The following SEPTIN5 variants were observed in gnomAD, a reference collection of about 807,000 sequenced individuals.
The protein encoded by SEPTIN5 is septin-5.
SEPTIN5 carries 16 observed loss-of-function variants against 51.2 expected under a neutral mutation model. The ratio of observed to expected loss-of-function variants is 0.31; its 90% CI spans 0.21 to 0.47. The LOEUF (loss-of-function observed/expected upper bound fraction) is 0.47, where lower values mean the gene tolerates loss of function less well. Ranked by LOEUF, SEPTIN5 falls within the 20% of genes least tolerant of loss-of-function variation. The pLI, the probability that SEPTIN5 is intolerant of heterozygous loss-of-function variation, is 0.99. For missense variants in SEPTIN5, 376 were observed against 500.3 expected (o/e 0.75, Z 2.37); for synonymous variants, 208 against 191.2 (o/e 1.09, Z -0.72).
rs1352571377 is a variant in SEPTIN5, at chr22:19,721,754, G to A, written c.814+18G>A. ...CGTGGAGGGTGAGTAGAGTCTTGGGGTACCAGGTCTGGTGGGGGAAGGCTG... is the reference window on the plus strand; with the variant it reads ...CGTGGAGGGTGAGTAGAGTCTTGGGATACCAGGTCTGGTGGGGGAAGGCTG... On this transcript the variant is annotated intron_variant, in intron 9 of 11. Coordinates refer to ENST00000455784, the MANE Select transcript of SEPTIN5 (RefSeq NM_002688.6). The A allele has an allele frequency of 1.9e-6, 3 of 1,602,706 alleles. No homozygotes were observed.
chr22:19,721,797 C>G (rs1416862346), intron 9 of SEPTIN5, 25 bp from the exon 10 acceptor site: 2 of 1,603,630 alleles, frequency 1.2e-6, no homozygotes, highest in Admixed American at 3.4e-5. Context: ...CCGGCGCCAG[C>G]CCACTACCCA....
chr22:19,722,226 G>T lies in SEPTIN5; in HGVS notation c.951-11G>T. ...CGCCGCCCCGCCCATCCTCCCCCCCGCCCCGCGCAGCAAACTGACCCAGGA... is the reference window on the plus strand; with the variant it reads ...CGCCGCCCCGCCCATCCTCCCCCCCTCCCCGCGCAGCAAACTGACCCAGGA... On this transcript the variant is annotated splice_polypyrimidine_tract_variant and intron_variant, in intron 10 of 11. Transcript: ENST00000455784. 22 of 1,013,996 alleles carry T rather than the reference G, an allele frequency of 2.2e-5. No individual in the cohort carries two copies. Among genetic ancestry groups the T allele is most frequent in the Non-Finnish European group, 3.3e-5 (22 of 663,932 alleles). The allele number at this position is 1,013,996 out of a possible 1,614,324, so 62.8% of individuals were successfully genotyped here. A position where few individuals can be genotyped will look rare whatever the true frequency, so the allele number is the denominator to read the frequency against.
intron 2 of SEPTIN5, chr22:19,717,791 A>T: frequency 4.4e-6 from 1 of 227,090 alleles, no homozygotes; most frequent in Non-Finnish European, 8.9e-6. Flanking sequence ...ACACCCGCGC[A>T]CACGCACATA....
At chr22:19,718,930 T>C in intron 2 of SEPTIN5, 2 of 1,064,866 alleles carry the variant, frequency 1.9e-6, no homozygotes, top group Non-Finnish European at 2.4e-6. Flanking sequence ...GGCTCAGCCC[T>C]TCCCTCCGCA....
chr22:19,714,919 C>G lies in SEPTIN5; in HGVS notation c.54+128C>G, dbSNP rs1935893057. 3 of 1,248,236 alleles carry G rather than the reference C, an allele frequency of 2.4e-6. No homozygotes were observed. The highest frequency in any genetic ancestry group is 2.6e-5 in the Admixed American group (1 of 38,488). 77.3% of individuals were successfully genotyped at this position (1,248,236 alleles called of 1,614,324 possible). A position where few individuals can be genotyped will look rare whatever the true frequency, so the allele number is the denominator to read the frequency against. On this transcript the variant is annotated intron_variant, in intron 2 of 11. Transcript: ENST00000455784. The surrounding 1 kb of genome is among the most constrained non-coding windows in gnomAD (Gnocchi z 5.2). ...CCTCACCCAGCCCTGTCGCGATCACCGATTGTCAGCCGGGCAGTGCCGCCG... is the reference window on the plus strand; with the variant it reads ...CCTCACCCAGCCCTGTCGCGATCACGGATTGTCAGCCGGGCAGTGCCGCCG...
At position 19,720,550 on chromosome 22, in the gene SEPTIN5, C is replaced by T. The variant is rs778796449; in HGVS notation, c.499C>T (p.Leu167=). ...CCCACCCTTGGCTGCTCTCGGCAGG[C>T]TGCGGCCAGTGGATGTGGGTTTCAT... ...LYFISPFGHG[L]RPVDVGFMKA... Residue 167 remains leucine (L), a splice_region_variant and synonymous_variant, in exon 7 of 12, where the codon CTG becomes TTG. Transcript: ENST00000455784. The T allele has an allele frequency of 2.5e-6, 4 of 1,613,172 alleles. No individual in the cohort carries two copies. The Admixed American group carries it at 6.7e-5, about 27-fold the overall frequency.
At chr22:19,719,917 GC>G in intron 4 of SEPTIN5, 25 bp downstream of exon 4, 1 of 1,611,126 alleles carries the variant, frequency 6.2e-7, no homozygotes, top group Non-Finnish European at 8.5e-7. Context: ...GGAGGCCCTG[GC>G]ACTGATCCCC....
Position 19,722,951 on chromosome 22 carries a change from C to A in SEPTIN5, c.*467C>A, listed in dbSNP as rs865940610. On this transcript the variant is annotated 3_prime_UTR_variant, in exon 12 of 12. Transcript: ENST00000455784. Reference sequence around the variant, plus strand: ...TTCTGTCGAGGCGGGCCGAGTCTTCCCTTATCCCCAGACGCCTAGCGGGCA... The same window carrying A: ...TTCTGTCGAGGCGGGCCGAGTCTTCACTTATCCCCAGACGCCTAGCGGGCA... 4.5e-6 allele frequency: 2 copies of A among 441,574 alleles called. No homozygotes were observed. Among genetic ancestry groups the A allele is most frequent in the South Asian group, 4.2e-5 (2 of 48,158 alleles). 27.4% of individuals were successfully genotyped at this position (441,574 alleles called of 1,614,324 possible).
rs995870669 is a variant in SEPTIN5, at chr22:19,719,430, T to A, written c.55-172T>A. On this transcript the variant is annotated intron_variant, in intron 2 of 11. Coordinates refer to ENST00000455784, the MANE Select transcript of SEPTIN5 (RefSeq NM_002688.6). ...TTCTCCTGCCACCACCTCGCCTGCC[T>A]TCTTATCTCCAGGCTTTTGCCCACG... The A allele has an allele frequency of 2.4e-5, 14 of 594,602 alleles. No homozygotes were observed. The Admixed American group carries it at 2.4e-4, about 10-fold the overall frequency. The allele number at this position is 594,602 out of a possible 1,614,324, so 36.8% of individuals were successfully genotyped here. A position where few individuals can be genotyped will look rare whatever the true frequency, so the allele number is the denominator to read the frequency against.
At chr22:19,715,541 G>T (rs374207837) in intron 2 of SEPTIN5, among the ~76,000 whole-genome samples, 19 of 152,328 alleles carry the variant, frequency 1.2e-4, no homozygotes, top group South Asian at 6.2e-4. Flanking sequence ...GGGCTGGGGG[G>T]GCTGGGGAAA....
At chr22:19,722,023 G>A (rs1026819026) in intron 10 of SEPTIN5, 66 bp downstream of exon 10, 43 of 1,551,590 alleles carry the variant, frequency 2.8e-5, no homozygotes, top group Non-Finnish European at 3.5e-5. Context: ...ATAACTGAGG[G>A]CCGGTCCTGT....
At chr22:19,718,413 C>A in intron 2 of SEPTIN5, 1 of 1,051,678 alleles carries the variant, frequency 9.5e-7, no homozygotes, top group South Asian at 4.4e-5. Context: ...CCGTCTCTGC[C>A]GCCCCCCGCC....
rs935222414 is a variant in SEPTIN5, at chr22:19,722,658, G to A, written c.*174G>A. On this transcript the variant is annotated 3_prime_UTR_variant, in exon 12 of 12. Coordinates refer to ENST00000455784, the MANE Select transcript of SEPTIN5 (RefSeq NM_002688.6). ...CTGTTTCCGAGGGGCCTGGACCGTA[G>A]CCCCCGCCCAGCTGGCCCTCTCTGA... The A allele has an allele frequency of 5.6e-6, 4 of 715,014 alleles. No individual in the cohort carries two copies. The highest frequency in any genetic ancestry group is 9.1e-6 in the Non-Finnish European group (4 of 437,568). The allele number at this position is 715,014 out of a possible 1,614,324, so 44.3% of individuals were successfully genotyped here. A position where few individuals can be genotyped will look rare whatever the true frequency, so the allele number is the denominator to read the frequency against.
chr22:19,714,783 G>C lies in SEPTIN5; in HGVS notation c.46G>C (p.Asp16His). The change falls in exon 2 of 12, where the codon GAC (aspartate) becomes CAC (histidine). Residue 16 changes from aspartate (D) to histidine (H), a missense_variant and splice_region_variant. By Grantham distance (81) the Asp-to-His change is moderately conservative. Coordinates refer to ENST00000455784, the MANE Select transcript of SEPTIN5 (RefSeq NM_002688.6). This position sits in a 1 kb window ranked among gnomAD's most constrained non-coding sequence, Gnocchi z 5.2. ...RYKSKLATPE[D>H]KQDIDKQYVG... ...CGACCCCGACCCCGACCCCGCAGAGGACAAGCAGGTACGTGCGCAGCGCCG... is the reference window on the plus strand; with the variant it reads ...CGACCCCGACCCCGACCCCGCAGAGCACAAGCAGGTACGTGCGCAGCGCCG... 7 of 1,594,988 alleles carry C rather than the reference G, an allele frequency of 4.4e-6. No individual in the cohort carries two copies. Among genetic ancestry groups the C allele is most frequent in the Non-Finnish European group, 5.9e-6 (7 of 1,176,502 alleles).
At chr22:19,715,971 C>T (rs890066740) in intron 2 of SEPTIN5, among the ~76,000 whole-genome samples, 1 of 152,240 alleles carries the variant, frequency 6.6e-6, no homozygotes, top group Non-Finnish European at 1.5e-5. Flanking sequence ...GGAGGCCAGG[C>T]CCCTGAGGCT....
rs374425962 is a variant in SEPTIN5, at chr22:19,720,280, C to CA, written c.363-39dup. 1.8e-4 allele frequency: 295 copies of CA among 1,613,440 alleles called. 2 individuals carry two copies. In the African/African-American group the frequency reaches 3.4e-3, roughly 18 times the overall value. On this transcript the variant is annotated intron_variant, in intron 5 of 11. Transcript: ENST00000455784. ...GAGAAAGGCCTTGCCTAGGCGGCCA[C>CA]AGCACTCGAGGCCTGGCCTCACCTC...
Position 19,718,410 on chromosome 22 carries a change from TGCCGCCCCCC to T in SEPTIN5, c.55-1186_55-1177del, listed in dbSNP as rs957083722. ...CGGCGACGGCGGGCGGGGCCGTCTC[TGCCGCCCCCC>T]GCCGCGCGCTCCGCGGGCGCCTGCG... On this transcript the variant is annotated intron_variant, in intron 2 of 11. Transcript: ENST00000455784. 1.2e-4 allele frequency: 128 copies of T among 1,048,312 alleles called. No homozygotes were observed. The African/African-American group carries it at 2.0e-3, about 16-fold the overall frequency. 64.9% of individuals were successfully genotyped at this position (1,048,312 alleles called of 1,614,324 possible). A position where few individuals can be genotyped will look rare whatever the true frequency, so the allele number is the denominator to read the frequency against.
rs894793340 is a variant in SEPTIN5, at chr22:19,721,904, G to T, written c.897G>T (p.Thr299=). ...ATATGCACGACCTCAAGGACGTGAC[G>T]TGCGACGTGCACTACGAGAACTACC... ...RTHMHDLKDV[T]CDVHYENYRA... is the part of the protein sequence containing the mutation. Residue 299 remains threonine (T), a synonymous_variant, in exon 10 of 12, where the codon ACG becomes ACT. Transcript: ENST00000455784. The T allele has an allele frequency of 1.2e-6, 2 of 1,612,142 alleles. No homozygotes were observed. The highest frequency in any genetic ancestry group is 1.1e-5 in the South Asian group (1 of 91,080).
At chr22:19,722,207 C>A in intron 10 of SEPTIN5, 30 bp from the exon 11 acceptor site, 1 of 1,408,674 alleles carries the variant, frequency 7.1e-7, no homozygotes. Context: ...GTGGCGCCGC[C>A]CCGCCCATCC....
Sources: allele counts gnomAD v4.1 joint callset (sites outside exome capture counted in the v4.1 genomes callset), GRCh38; gene constraint gnomAD v4.1.1; non-coding constraint Gnocchi (gnomAD v3.1); transcripts MANE v1.5; gene names NCBI Gene and HGNC (gene_info 2026-07-23, HGNC 2026-07-21).